The following MAGI3 variants were observed in gnomAD, a reference collection of about 807,000 sequenced individuals.
The protein encoded by MAGI3 is membrane-associated guanylate kinase, WW and PDZ domain-containing protein 3.
Under a neutral mutation model 121.8 loss-of-function variants are expected in MAGI3, and 43 were observed. That is an observed-to-expected ratio of 0.35 (90% CI 0.28 to 0.46). The LOEUF (loss-of-function observed/expected upper bound fraction) is 0.46, where lower values mean the gene tolerates loss of function less well. Ranked by LOEUF, MAGI3 falls within the 20% of genes least tolerant of loss-of-function variation. The pLI is 1.00. For synonymous variants in MAGI3, 553 were observed against 639.3 expected, an observed-to-expected ratio of 0.86 and a Z score of 2.04; for missense variants, 1,547 against 1,797.3, an observed-to-expected ratio of 0.86 and a Z score of 2.52.
At chr1:113,597,989 G>A (rs777294398) in intron 6 of MAGI3, among the ~76,000 whole-genome samples, 9 of 152,046 alleles carry the variant, frequency 5.9e-5, no homozygotes, top group East Asian at 1.9e-4. Context: ...TGTGGTGGGC[G>A]GATAATGAGG....
rs1158934051 is a variant in MAGI3, at chr1:113,443,203, C to T, written c.316+51854C>T. ...AATTTTACAGTAGTAATTTATACAG[C>T]CCGCTGGTTCTGTTAATTTGAATTA... On this transcript the variant is annotated intron_variant, in intron 1 of 20. Transcript: ENST00000307546. 5.9e-5 allele frequency among the ~76,000 whole-genome samples: 9 copies of T among 152,150 alleles called. No homozygotes were observed. In the East Asian group the frequency reaches 1.7e-3, roughly 29 times the overall value.
chr1:113,565,530 G>A (rs1259676758), intron 2 of MAGI3, among the ~76,000 whole-genome samples: 2 of 152,088 alleles, frequency 1.3e-5, no homozygotes, highest in East Asian at 1.9e-4. Flanking sequence ...ACTGAAGCTT[G>A]TAACAAATAA....
Position 113,496,876 on chromosome 1 carries a change from T to C in MAGI3, c.317-52639T>C, listed in dbSNP as rs150705353. 2.9e-4 allele frequency among the ~76,000 whole-genome samples: 44 copies of C among 152,356 alleles called. 1 individual carries two copies. The East Asian group carries it at 6.9e-3, about 24-fold the overall frequency. On this transcript the variant is annotated intron_variant, in intron 1 of 20. Coordinates refer to ENST00000307546, the MANE Select transcript of MAGI3 (RefSeq NM_001142782.2). Reference sequence around the variant, plus strand: ...ACATTAGCCTTCAAGCTACATTGTCTATTGACTGAGGCTCCTTAGATCTCT... The same window carrying C: ...ACATTAGCCTTCAAGCTACATTGTCCATTGACTGAGGCTCCTTAGATCTCT...
At chr1:113,433,577 A>G (rs1010349224) in intron 1 of MAGI3, among the ~76,000 whole-genome samples, 1 of 152,220 alleles carries the variant, frequency 6.6e-6, no homozygotes, top group Non-Finnish European at 1.5e-5. Flanking sequence ...GAGGCTATAC[A>G]GCTTTAATCC....
chr1:113,534,520 T>C (rs754231169), intron 1 of MAGI3, among the ~76,000 whole-genome samples: 3 of 152,194 alleles, frequency 2.0e-5, no homozygotes, highest in Non-Finnish European at 4.4e-5. Flanking sequence ...TTCCAGTCTA[T>C]GTTGCCTGGC....
intron 1 of MAGI3, among the ~76,000 whole-genome samples, chr1:113,424,123 C>A (rs377659987): frequency 6.6e-6 from 1 of 152,072 alleles, no homozygotes; most frequent in East Asian, 1.9e-4. Context: ...CTCAGTAGGG[C>A]GCAGGACTCC....
chr1:113,467,451 G>A (rs1031386516), intron 1 of MAGI3, among the ~76,000 whole-genome samples: 6 of 152,088 alleles, frequency 3.9e-5, no homozygotes, highest in Non-Finnish European at 5.9e-5. Context: ...GTTAGACCTA[G>A]TGTGTAGTTT....
In MAGI3 at chr1:113,390,934, G is replaced by A. The variant is rs1277358551; in HGVS notation, c.-100G>A. The A allele has an allele frequency of 2.0e-6, 2 of 1,019,380 alleles. No homozygotes were observed. The highest frequency in any genetic ancestry group is 3.4e-5 in the East Asian group (1 of 29,482). The allele number at this position is 1,019,380 out of a possible 1,614,324, so 63.1% of individuals were successfully genotyped here. The stretch of plus-strand genomic sequence containing the variant: ...CCGGAGCGGCGAGGCCCCCCTTACC[G>A]GGCTGCGCGGGCCGCCCAGGGCCCC... On this transcript the variant is annotated 5_prime_UTR_variant, in exon 1 of 21. Transcript: ENST00000307546.
At chr1:113,642,675 G>A (rs1652616962) in intron 10 of MAGI3, among the ~76,000 whole-genome samples, 159 bp downstream of exon 10, 1 of 152,188 alleles carries the variant, frequency 6.6e-6, no homozygotes, top group Admixed American at 6.5e-5. Context: ...CATAAGCAGT[G>A]TCTTTTTCAG....
intron 6 of MAGI3, among the ~76,000 whole-genome samples, chr1:113,605,831 C>G (rs1649730915): frequency 6.6e-6 from 1 of 152,130 alleles, no homozygotes. Context: ...AACTCCTGAC[C>G]TCGTGATCCG....
intron 1 of MAGI3, among the ~76,000 whole-genome samples, chr1:113,536,142 G>T (rs1157349328): frequency 1.1e-5 from 1 of 91,796 alleles, no homozygotes; most frequent in African/African-American, 2.8e-5. Flanking sequence ...TAGAAGACAT[G>T]TGTTTTTTTT....
intron 1 of MAGI3, among the ~76,000 whole-genome samples, chr1:113,418,659 A>G (rs747478901): frequency 8.6e-5 from 13 of 152,030 alleles, no homozygotes; most frequent in Non-Finnish European, 1.8e-4. Flanking sequence ...TTTGAGGACC[A>G]TTTCTTACAT....
intron 1 of MAGI3, among the ~76,000 whole-genome samples, chr1:113,472,515 C>G (rs1020275677): frequency 1.3e-5 from 2 of 151,976 alleles, no homozygotes; most frequent in Admixed American, 1.3e-4. Flanking sequence ...TAAGTACTTA[C>G]CATTGCTGTT....
chr1:113,442,411 T>G (rs1421831855), intron 1 of MAGI3, among the ~76,000 whole-genome samples: 3 of 152,080 alleles, frequency 2.0e-5, no homozygotes. Flanking sequence ...TAAAAGCATT[T>G]TCTAAGCCTA....
At chr1:113,522,263 C>T (rs929694727) in intron 1 of MAGI3, among the ~76,000 whole-genome samples, 1 of 152,118 alleles carries the variant, frequency 6.6e-6, no homozygotes, top group African/African-American at 2.4e-5. Flanking sequence ...GCGCCACATG[C>T]CCAGCTAATT....
chr1:113,453,291 G>A (rs902771119), intron 1 of MAGI3, among the ~76,000 whole-genome samples: 14 of 152,082 alleles, frequency 9.2e-5, no homozygotes, highest in African/African-American at 3.1e-4. Flanking sequence ...AACATATAAT[G>A]CTTGTCTCCT....
rs972020427 is a variant in MAGI3, at chr1:113,431,271, T to G, written c.316+39922T>G. On this transcript the variant is annotated intron_variant, in intron 1 of 20. Transcript: ENST00000307546. The stretch of plus-strand genomic sequence containing the variant: ...AGTTCGAAGTTACGGTGAGCTATGT[T>G]CATGCCACTGTGCTACAGCCTGGGT... Among the ~76,000 whole-genome samples, 6 of 152,328 alleles carry G rather than the reference T, an allele frequency of 3.9e-5. No individual in the cohort carries two copies. In the East Asian group the frequency reaches 1.2e-3, roughly 29 times the overall value.
At chr1:113,521,007 C>T (rs1658148547) in intron 1 of MAGI3, among the ~76,000 whole-genome samples, 1 of 152,054 alleles carries the variant, frequency 6.6e-6, no homozygotes, top group African/African-American at 2.4e-5. Context: ...TGTGCTGGAA[C>T]CTATTTAGGC....
At chr1:113,585,243 C>CCTCCCA in intron 3 of MAGI3, 144 bp from the exon 4 acceptor site, 1 of 705,672 alleles carries the variant, frequency 1.4e-6, no homozygotes, top group Non-Finnish European at 2.4e-6. Flanking sequence ...GCTGGGATTA[C>CCTCCCA]AAGTGTGAGC....
Sources: allele counts gnomAD v4.1 joint callset (sites outside exome capture counted in the v4.1 genomes callset), GRCh38; gene constraint gnomAD v4.1.1; transcripts MANE v1.5; gene names NCBI Gene and HGNC (gene_info 2026-07-23, HGNC 2026-07-21).